The following AMPH variants were observed in gnomAD, a reference collection of about 807,000 sequenced individuals.
The protein encoded by AMPH is amphiphysin.
A neutral mutation model predicts 99.1 loss-of-function variants in AMPH; 49 were observed. The ratio of observed to expected loss-of-function variants is 0.49; its 90% CI spans 0.39 to 0.63. The LOEUF (loss-of-function observed/expected upper bound fraction) is 0.63. Ranked by LOEUF, AMPH falls within the 20% of genes least tolerant of loss-of-function variation. AMPH has a pLI of 0.00. For synonymous variants in AMPH, 314 were observed against 317.3 expected, an observed-to-expected ratio of 0.99 and a Z score of 0.11; for missense variants, 759 against 863.4, an observed-to-expected ratio of 0.88 and a Z score of 1.52.
At chr7:38,539,649 A>G (rs186454498) in intron 1 of AMPH, among the ~76,000 whole-genome samples, 7 of 152,336 alleles carry the variant, frequency 4.6e-5, no homozygotes, top group African/African-American at 1.7e-4. Context: ...GTAAATGACC[A>G]GATCATCTGC....
intron 1 of AMPH, among the ~76,000 whole-genome samples, chr7:38,620,350 G>T (rs1794010141): frequency 6.8e-6 from 1 of 147,794 alleles, no homozygotes; most frequent in Admixed American, 6.8e-5. Flanking sequence ...GTGTGTGTGT[G>T]TGTGTGTGTG....
intron 5 of AMPH, among the ~76,000 whole-genome samples, chr7:38,479,612 G>C (rs1788216778): frequency 6.6e-6 from 1 of 152,076 alleles, no homozygotes; most frequent in Non-Finnish European, 1.5e-5. Context: ...CAATAACAGT[G>C]CAAAGGAAAG....
chr7:38,510,517 G>A (rs991931820), intron 2 of AMPH, among the ~76,000 whole-genome samples: 27 of 152,152 alleles, frequency 1.8e-4, no homozygotes, highest in African/African-American at 6.0e-4. Flanking sequence ...TCCAGGCATG[G>A]TTCTAAGTTT....
In AMPH at chr7:38,394,214, T is replaced by A. The variant is rs1389724934; in HGVS notation, c.1399A>T (p.Ile467Phe). The change falls in exon 18 of 21, where the codon ATC becomes TTC. Residue 467 changes from isoleucine (I) to phenylalanine (F), a missense_variant and splice_region_variant. By Grantham distance (21) the Ile-to-Phe change is conservative. Around this residue, in one of 2 missense-constraint regions of AMPH, gnomAD observed 554 missense variants for 575.6 expected, o/e 0.96. Transcript: ENST00000356264. ...GCATCAGCATCAGCTCCAGGTATGA[T>A]CTGCAGGGCAGAAACCAGCAGGCCA... ...RAEEPVEEAV[I>F]IPGADADAAV... 6.2e-7 allele frequency: 1 copy of A among 1,614,072 alleles called. No individual in the cohort carries two copies.
intron 1 of AMPH, among the ~76,000 whole-genome samples, chr7:38,546,281 G>T (rs1202199548): frequency 6.6e-6 from 1 of 152,118 alleles, no homozygotes; most frequent in Non-Finnish European, 1.5e-5. Context: ...CAACACAAAT[G>T]AATAAACAGA....
chr7:38,388,328 T>C (rs187613119), intron 20 of AMPH, among the ~76,000 whole-genome samples: 28 of 152,262 alleles, frequency 1.8e-4, no homozygotes, highest in Non-Finnish European at 3.2e-4. Flanking sequence ...ACCTTTTCTT[T>C]GTATTGGTAA....
chr7:38,495,959 C>T (rs1421905078), intron 3 of AMPH, among the ~76,000 whole-genome samples: 8 of 152,044 alleles, frequency 5.3e-5, no homozygotes. Flanking sequence ...AAACAAGGGG[C>T]CAGGAAGAGC....
intron 12 of AMPH, among the ~76,000 whole-genome samples, chr7:38,434,655 C>T (rs1042596696): frequency 3.3e-5 from 5 of 151,588 alleles, no homozygotes; most frequent in South Asian, 2.1e-4. Context: ...AGGAGAATGG[C>T]GTGAACCAGG....
chr7:38,428,861 G>T, intron 14 of AMPH: 2 of 556,554 alleles, frequency 3.6e-6, no homozygotes, highest in Non-Finnish European at 3.1e-6. Context: ...AATTTTCATT[G>T]GCGTTTGTAC....
chr7:38,598,770 T>A (rs577704169), intron 1 of AMPH, among the ~76,000 whole-genome samples: 1 of 152,332 alleles, frequency 6.6e-6, no homozygotes, highest in Non-Finnish European at 1.5e-5. Flanking sequence ...TTTCAAAGAA[T>A]TAATTTGTAC....
intron 4 of AMPH, among the ~76,000 whole-genome samples, chr7:38,493,545 C>A (rs1788809062): frequency 6.6e-6 from 1 of 152,138 alleles, no homozygotes; most frequent in Non-Finnish European, 1.5e-5. Flanking sequence ...AGTCTCTGGT[C>A]CATTCTGCTT....
intron 1 of AMPH, among the ~76,000 whole-genome samples, chr7:38,610,400 AAAG>A (rs1305148513): frequency 6.9e-6 from 1 of 144,552 alleles, no homozygotes; most frequent in East Asian, 1.9e-4. Flanking sequence ...AAAGAAAAGA[AAAG>A]AAAAGAAAAA....
chr7:38,624,232 C>T (rs1202003767), intron 1 of AMPH, among the ~76,000 whole-genome samples: 3 of 151,758 alleles, frequency 2.0e-5, no homozygotes, highest in Non-Finnish European at 4.4e-5. Flanking sequence ...CAAGTACCTA[C>T]AATTTAGTTT....
At chr7:38,621,019 AGTG>A (rs978318977) in intron 1 of AMPH, among the ~76,000 whole-genome samples, 7 of 152,218 alleles carry the variant, frequency 4.6e-5, no homozygotes, top group African/African-American at 1.7e-4. Context: ...TTATAAGGCC[AGTG>A]TCTGCAGTCA....
At chr7:38,518,582 T>G (rs1244630174) in intron 2 of AMPH, among the ~76,000 whole-genome samples, 1 of 152,220 alleles carries the variant, frequency 6.6e-6, no homozygotes, top group East Asian at 1.9e-4. Context: ...TCTTTCTTCT[T>G]GTCTATTTAT....
chr7:38,534,307 T>C (rs1584216115), intron 2 of AMPH, among the ~76,000 whole-genome samples: 1 of 152,290 alleles, frequency 6.6e-6, no homozygotes, highest in African/African-American at 2.4e-5. Context: ...GTTAAACTAC[T>C]GCTTTTCTAA....
Position 38,384,935 on chromosome 7 carries a change from A to C in AMPH, c.1981-10T>G. 3.1e-6 allele frequency: 5 copies of C among 1,612,382 alleles called. No homozygotes were observed. The highest frequency in any genetic ancestry group is 4.2e-6 in the Non-Finnish European group (5 of 1,178,556). Reference sequence around the variant, plus strand: ...CCAGCCAGCCTGCATCCTGAAAAACAATGACAGAACTTTCAGGGTCCAGCA... The same window carrying C: ...CCAGCCAGCCTGCATCCTGAAAAACCATGACAGAACTTTCAGGGTCCAGCA... On this transcript the variant is annotated splice_polypyrimidine_tract_variant and intron_variant, in intron 20 of 20. Coordinates refer to ENST00000356264, the MANE Select transcript of AMPH (RefSeq NM_001635.4).
intron 1 of AMPH, among the ~76,000 whole-genome samples, chr7:38,590,478 G>C (rs1792815194): frequency 6.6e-6 from 1 of 152,146 alleles, no homozygotes; most frequent in South Asian, 2.1e-4. Flanking sequence ...CTTTAATAGA[G>C]TGAAAACAGA....
chr7:38,462,733 C>T (rs1306101906), intron 10 of AMPH, among the ~76,000 whole-genome samples: 1 of 152,116 alleles, frequency 6.6e-6, no homozygotes, highest in Non-Finnish European at 1.5e-5. Context: ...CTCGCCTGAG[C>T]ATGCCGAGAA....
Sources: allele counts gnomAD v4.1 joint callset (sites outside exome capture counted in the v4.1 genomes callset), GRCh38; gene constraint gnomAD v4.1.1; regional missense constraint gnomAD v4.1.1; transcripts MANE v1.5; gene names NCBI Gene and HGNC (gene_info 2026-07-23, HGNC 2026-07-21).